GATAD1: variants seen among roughly 807,000 people sequenced by gnomAD.
GATAD1 encodes the protein GATA zinc finger domain containing 1, also known as GATA zinc finger domain-containing protein 1.
In GATAD1, 12 loss-of-function variants were observed where a neutral mutation model predicts 26.5. The ratio of observed to expected loss-of-function variants is 0.45; its 90% confidence interval spans 0.29 to 0.73. The LOEUF (loss-of-function observed/expected upper bound fraction) is 0.73, where lower values mean the gene tolerates loss of function less well. GATAD1 is among the 30% of genes least tolerant of loss of function. The pLI is 0.10. For synonymous variants in GATAD1, 129 were observed against 133.1 expected (o/e 0.97, Z 0.21); for missense variants, 266 against 342.1 (o/e 0.78, Z 1.75).
rs570057323 is a variant in GATAD1, at chr7:92,449,393, T to C, written c.375+516T>C. 1.6e-5 allele frequency: 16 copies of C among 983,286 alleles called. No homozygotes were observed. The East Asian group carries it at 1.5e-3, about 91-fold the overall frequency. 60.9% of individuals were successfully genotyped at this position (983,286 alleles called of 1,614,324 possible). A position where few individuals can be genotyped will look rare whatever the true frequency, so the allele number is the denominator to read the frequency against. ...AATTTTGCTAAGCCTTATCTCCTCT[T>C]CTGCTCTAAGAAAAGAGATTGTTGA... On this transcript the variant is annotated intron_variant, in intron 2 of 4. Transcript: ENST00000287957.
intron 2 of GATAD1, chr7:92,449,200 C>A: frequency 1.0e-6 from 1 of 988,598 alleles, no homozygotes. Flanking sequence ...GATTATGGTT[C>A]TTGATATGGC....
downstream of GATAD1, among the ~76,000 whole-genome samples, chr7:92,460,162 T>C (rs775082973): frequency 6.6e-6 from 1 of 152,146 alleles, no homozygotes; most frequent in Non-Finnish European, 1.5e-5. Context: ...TGAAATCAAA[T>C]GAACAATAGA....
chr7:92,491,335 C>CAT, the GATAD1 span: 1 of 1,614,000 alleles, frequency 6.2e-7, no homozygotes, highest in Non-Finnish European at 8.5e-7. Flanking sequence ...AGAGCCGGTA[C>CAT]ATATTGAATT....
chr7:92,478,908 G>T, the GATAD1 span, among the ~76,000 whole-genome samples: 1 of 152,186 alleles, frequency 6.6e-6, no homozygotes, highest in South Asian at 2.1e-4. Context: ...AGAACATCAT[G>T]GCAACCCACA....
At chr7:92,492,226 A>G in the GATAD1 span, among the ~76,000 whole-genome samples, 1 of 152,096 alleles carries the variant, frequency 6.6e-6, no homozygotes. Context: ...GGCTCACTGC[A>G]TCCTGGATTT....
At chr7:92,478,584 G>A in the GATAD1 span, among the ~76,000 whole-genome samples, 1 of 152,152 alleles carries the variant, frequency 6.6e-6, no homozygotes, top group South Asian at 2.1e-4. Flanking sequence ...GCAGTGGTCT[G>A]ACCTGCAGGG....
At chr7:92,463,844 C>T (rs1447253260), downstream of GATAD1, among the ~76,000 whole-genome samples, 3 of 151,708 alleles carry the variant, frequency 2.0e-5, no homozygotes, top group Admixed American at 6.6e-5. Flanking sequence ...TGGTGGGTGC[C>T]TGTAGTCCCA....
In GATAD1 at chr7:92,458,276, C is replaced by G. The variant is rs943475657; in HGVS notation, c.*1714C>G. On this transcript the variant is annotated 3_prime_UTR_variant, in exon 5 of 5. Coordinates refer to ENST00000287957, the MANE Select transcript of GATAD1 (RefSeq NM_021167.5). ...TTCGATCAAACCATAAGATTTTATA[C>G]TGCAGATAGTCAGCTTCACCAAAGC... The G allele has an allele frequency of 6.6e-6, 1 of 152,226 alleles. No individual in the cohort carries two copies. The highest frequency in any genetic ancestry group is 1.5e-5 in the Non-Finnish European group (1 of 68,048). The allele number at this position is 152,226 out of a possible 1,614,324, so 9.4% of individuals were successfully genotyped here. A position where few individuals can be genotyped will look rare whatever the true frequency, so the allele number is the denominator to read the frequency against.
In GATAD1 at chr7:92,448,013, C is replaced by A; in HGVS notation, c.249+35C>A. ...TCCGGCCCCTCCCGCCGGCGGAGGC[C>A]GACCAGGTGCTAGGCGGGCGGGGAC... On this transcript the variant is annotated intron_variant, in intron 1 of 4. Transcript: ENST00000287957. 11 of 1,204,392 alleles carry A rather than the reference C, an allele frequency of 9.1e-6. 1 individual carries two copies. The Admixed American group carries it at 4.8e-4, about 53-fold the overall frequency. The allele number at this position is 1,204,392 out of a possible 1,614,324, so 74.6% of individuals were successfully genotyped here.
At chr7:92,493,991 G>C in the GATAD1 span, 1 of 326,810 alleles carries the variant, frequency 3.1e-6, no homozygotes, top group Non-Finnish European at 5.8e-6. Context: ...ACAGGATAAT[G>C]GAAGTATGTA....
the GATAD1 span, chr7:92,491,141 A>G: frequency 1.5e-6 from 1 of 673,660 alleles, no homozygotes; most frequent in Non-Finnish European, 2.7e-6. Context: ...GCAAGAAACA[A>G]GACTATTTTA....
the GATAD1 span, chr7:92,468,246 T>A: frequency 6.2e-6 from 1 of 160,656 alleles, no homozygotes; most frequent in Admixed American, 6.4e-5. Flanking sequence ...CCTCGCTGGA[T>A]CAGGAGCACA....
At chr7:92,472,386 C>G in the GATAD1 span, 2 of 152,226 alleles carry the variant, frequency 1.3e-5, no homozygotes, top group African/African-American at 4.8e-5. Flanking sequence ...CACCACTACC[C>G]GTAAACAATG....
At chr7:92,456,315 T>C in intron 4 of GATAD1, 57 bp from the exon 5 acceptor site, 1 of 1,188,296 alleles carries the variant, frequency 8.4e-7, no homozygotes, top group Non-Finnish European at 1.2e-6. Flanking sequence ...TAACATCTTA[T>C]GAAAATGATA....
At position 92,457,724 on chromosome 7, in the gene GATAD1, C is replaced by T. The variant is rs533401128; in HGVS notation, c.*1162C>T. 1 of 152,332 alleles carries T rather than the reference C, an allele frequency of 6.6e-6. No individual in the cohort carries two copies. Among genetic ancestry groups the T allele is most frequent in the South Asian group, 2.1e-4 (1 of 4,828 alleles). 9.4% of individuals were successfully genotyped at this position (152,332 alleles called of 1,614,324 possible). A position where few individuals can be genotyped will look rare whatever the true frequency, so the allele number is the denominator to read the frequency against. On this transcript the variant is annotated 3_prime_UTR_variant, in exon 5 of 5. Coordinates refer to ENST00000287957, the MANE Select transcript of GATAD1 (RefSeq NM_021167.5). Reference sequence around the variant, plus strand: ...AATCAAATAAAATGACTAACAGCATCTATCATAAAGCCACACAAGCCTTAT... The same window carrying T: ...AATCAAATAAAATGACTAACAGCATTTATCATAAAGCCACACAAGCCTTAT...
At chr7:92,448,223 T>C (rs956523059) in intron 1 of GATAD1, among the ~76,000 whole-genome samples, 2 of 152,228 alleles carry the variant, frequency 1.3e-5, no homozygotes, top group African/African-American at 4.8e-5. Context: ...AATATACACA[T>C]GTCTACACAG....
the GATAD1 span, among the ~76,000 whole-genome samples, chr7:92,465,854 AG>A: frequency 6.6e-6 from 1 of 151,870 alleles, no homozygotes; most frequent in Non-Finnish European, 1.5e-5. Context: ...TACAAAAATT[AG>A]CCCGGCGTGG....
intron 3 of GATAD1, among the ~76,000 whole-genome samples, chr7:92,453,050 A>G (rs1305258694): frequency 6.6e-6 from 1 of 152,220 alleles, no homozygotes; most frequent in Non-Finnish European, 1.5e-5. Context: ...TGCATAGACC[A>G]GACCCATCCG....
chr7:92,452,175 C>T (rs1455383994), intron 3 of GATAD1, among the ~76,000 whole-genome samples: 2 of 152,220 alleles, frequency 1.3e-5, no homozygotes, highest in African/African-American at 2.4e-5. Flanking sequence ...TGTTGAGCTA[C>T]GGGTTTAGTG....
Sources: allele counts gnomAD v4.1 joint callset (sites outside exome capture counted in the v4.1 genomes callset), GRCh38; gene constraint gnomAD v4.1.1; transcripts MANE v1.5; gene names NCBI Gene and HGNC (gene_info 2026-07-23, HGNC 2026-07-21).